DISC1: variants seen among roughly 807,000 people sequenced by gnomAD.
DISC1 encodes DISC1 scaffold protein.
In DISC1, 57 loss-of-function variants were observed where a neutral mutation model predicts 84.5. The ratio of observed to expected loss-of-function variants is 0.67; its 90% CI spans 0.55 to 0.84. DISC1 has a LOEUF of 0.84. Among genes scored for constraint, DISC1 ranks in the 40% least tolerant of loss-of-function variants. DISC1 has a pLI of 0.00. For synonymous variants in DISC1, 411 were observed against 415.2 expected (o/e 0.99, Z 0.12); for missense variants, 1,000 against 1,057.8 (o/e 0.95, Z 0.76).
At chr1:231,931,124 G>A (rs540577817) in intron 9 of DISC1, among the ~76,000 whole-genome samples, 3 of 152,226 alleles carry the variant, frequency 2.0e-5, no homozygotes, top group East Asian at 3.9e-4. Context: ...GTTTAGTCCT[G>A]GAAGGACCTC....
At chr1:231,690,629 C>G (rs994301690) in intron 1 of DISC1, among the ~76,000 whole-genome samples, 2 of 152,088 alleles carry the variant, frequency 1.3e-5, no homozygotes, top group African/African-American at 4.8e-5. Flanking sequence ...AGAATTGATT[C>G]TGGTCACAGG....
chr1:231,801,622 A>G (rs1261966491), intron 8 of DISC1, among the ~76,000 whole-genome samples: 1 of 152,124 alleles, frequency 6.6e-6, no homozygotes, highest in Non-Finnish European at 1.5e-5. Flanking sequence ...GTTGCTCTGT[A>G]TGCTCTTTGG....
intron 8 of DISC1, among the ~76,000 whole-genome samples, chr1:231,817,070 C>A (rs2125748092): frequency 6.6e-6 from 1 of 152,180 alleles, no homozygotes; most frequent in East Asian, 1.9e-4. Flanking sequence ...GCCTCAAACT[C>A]ATGGGCTCAT....
intron 9 of DISC1, among the ~76,000 whole-genome samples, chr1:231,941,598 G>A (rs550205307): frequency 7.9e-5 from 12 of 151,718 alleles, no homozygotes; most frequent in East Asian, 5.9e-4. Flanking sequence ...TCAGCCTCCC[G>A]AGTAGCTGGG....
chr1:231,868,171 G>T (rs2085192691), intron 9 of DISC1, among the ~76,000 whole-genome samples: 1 of 152,152 alleles, frequency 6.6e-6, no homozygotes, highest in Non-Finnish European at 1.5e-5. Flanking sequence ...GGGCAAAGGA[G>T]AGTGCTCGGT....
intron 10 of DISC1, among the ~76,000 whole-genome samples, chr1:231,968,766 G>A (rs2102806973): frequency 6.6e-6 from 1 of 152,118 alleles, no homozygotes; most frequent in East Asian, 1.9e-4. Flanking sequence ...TCATGAAGGG[G>A]CCTCATGAGT....
chr1:231,740,393 T>A (rs1026522658), intron 3 of DISC1, among the ~76,000 whole-genome samples: 3 of 152,178 alleles, frequency 2.0e-5, no homozygotes, highest in Non-Finnish European at 4.4e-5. Flanking sequence ...GTTGCCCGGA[T>A]CTGGGTACCC....
At chr1:231,643,730 G>T (rs1474552293) in intron 1 of DISC1, among the ~76,000 whole-genome samples, 2 of 152,164 alleles carry the variant, frequency 1.3e-5, no homozygotes, top group African/African-American at 4.8e-5. Flanking sequence ...TGCTTATTTT[G>T]TGGGCCTATT....
At chr1:231,771,559 C>A in intron 6 of DISC1, 1 of 985,414 alleles carries the variant, frequency 1.0e-6, no homozygotes, top group South Asian at 4.7e-5. Context: ...ATGTACCAGG[C>A]AGTGTTATAA....
chr1:231,902,570 C>T (rs1442904226), intron 9 of DISC1, among the ~76,000 whole-genome samples: 2 of 151,592 alleles, frequency 1.3e-5, no homozygotes, highest in Non-Finnish European at 1.5e-5. Flanking sequence ...CACTGCACTC[C>T]AGCTTGGGTG....
In DISC1 at chr1:231,642,147, A is replaced by AG. The variant is rs370243753; in HGVS notation, c.67+15215dup. 2.8e-3 allele frequency among the ~76,000 whole-genome samples: 430 copies of AG among 152,306 alleles called. 21 individuals are homozygous for AG. In the East Asian group the frequency reaches 0.075, roughly 26 times the overall value. On this transcript the variant is annotated intron_variant, in intron 1 of 12. Coordinates refer to ENST00000439617, the MANE Select transcript of DISC1 (RefSeq NM_018662.3). The stretch of plus-strand genomic sequence containing the variant: ...AATTGAACACAGCAGCTGCTGGCCC[A>AG]GGTGCTAAGCCCTTCACTGCCCGGG...
intron 3 of DISC1, among the ~76,000 whole-genome samples, chr1:231,740,210 T>A (rs925889321): frequency 6.6e-6 from 1 of 152,218 alleles, no homozygotes; most frequent in African/African-American, 2.4e-5. Context: ...TGTAATAGCA[T>A]CACCAACCGA....
intron 3 of DISC1, among the ~76,000 whole-genome samples, chr1:231,734,468 A>G (rs934070072): frequency 6.8e-5 from 10 of 146,542 alleles, no homozygotes; most frequent in South Asian, 2.3e-4. Flanking sequence ...TGCAAGGCCT[A>G]TTGGCATCAC....
chr1:231,899,689 G>A (rs1310931896), intron 9 of DISC1, among the ~76,000 whole-genome samples: 4 of 152,132 alleles, frequency 2.6e-5, no homozygotes, highest in Non-Finnish European at 4.4e-5. Flanking sequence ...GAGATAAAAT[G>A]TCCCAATCAT....
intron 1 of DISC1, among the ~76,000 whole-genome samples, chr1:231,658,293 G>T (rs567414984): frequency 4.3e-4 from 65 of 152,278 alleles, no homozygotes; most frequent in African/African-American, 1.5e-3. Flanking sequence ...CCTGTTGTTG[G>T]TGTGTAGGAA....
intron 9 of DISC1, among the ~76,000 whole-genome samples, chr1:231,887,310 C>T (rs2086844329): frequency 6.6e-6 from 1 of 152,210 alleles, no homozygotes. Flanking sequence ...TTCTGTGGCT[C>T]CCATTTTCCC....
Position 231,698,458 on chromosome 1 carries a change from A to G in DISC1, c.1048-3497A>G, listed in dbSNP as rs377233951. ...TGCAAGGTAGGCTCCACCTAAGGCC[A>G]TGGAAACTGGTGAAAAATGAAGGAC... On this transcript the variant is annotated intron_variant, in intron 2 of 12. Coordinates refer to ENST00000439617, the MANE Select transcript of DISC1 (RefSeq NM_018662.3). This position sits in a 1 kb window ranked among gnomAD's most constrained non-coding sequence, Gnocchi z 4.9. Among the ~76,000 whole-genome samples, 154 of 152,324 alleles carry G rather than the reference A, an allele frequency of 1.0e-3. 1 individual carries two copies. The highest frequency in any genetic ancestry group is 3.7e-3 in the African/African-American group (153 of 41,590).
At chr1:231,912,805 CTT>C (rs1464989012) in intron 9 of DISC1, among the ~76,000 whole-genome samples, 1 of 120,914 alleles carries the variant, frequency 8.3e-6, no homozygotes, top group African/African-American at 3.1e-5. Flanking sequence ...TTCTTTCTTT[CTT>C]TTTCTTTCCT....
chr1:231,834,681 A>G (rs1271435983), intron 9 of DISC1, among the ~76,000 whole-genome samples: 4 of 150,898 alleles, frequency 2.7e-5, no homozygotes, highest in Non-Finnish European at 5.9e-5. Flanking sequence ...GAAGGGGGCA[A>G]TGGGGGGCAG....
Sources: allele counts gnomAD v4.1 joint callset (sites outside exome capture counted in the v4.1 genomes callset), GRCh38; gene constraint gnomAD v4.1.1; non-coding constraint Gnocchi (gnomAD v3.1); transcripts MANE v1.5; gene names NCBI Gene and HGNC (gene_info 2026-07-23, HGNC 2026-07-21).